SYTL3: variants seen among roughly 807,000 people sequenced by gnomAD.
SYTL3 encodes the protein synaptotagmin like 3.
A neutral mutation model predicts 82.1 loss-of-function variants in SYTL3; 88 were observed. That is an observed-to-expected ratio of 1.07 (90% CI 0.90 to 1.28). The LOEUF is 1.28. Among genes scored for constraint, SYTL3 ranks in the 50% most tolerant of loss-of-function variants. The pLI is 0.00. For synonymous variants in SYTL3, 311 were observed against 289.4 expected, an observed-to-expected ratio of 1.07 and a Z score of -0.76; for missense variants, 831 against 757.6, an observed-to-expected ratio of 1.10 and a Z score of -1.14.
At chr6:158,743,055 C>A (rs545559214) in intron 11 of SYTL3, among the ~76,000 whole-genome samples, 1 of 152,198 alleles carries the variant, frequency 6.6e-6, no homozygotes, top group Non-Finnish European at 1.5e-5. Flanking sequence ...TTTTGCCCCC[C>A]AGTCCCGTTA....
chr6:158,668,716 C>T (rs1364301996), intron 5 of SYTL3, among the ~76,000 whole-genome samples: 8 of 151,928 alleles, frequency 5.3e-5, no homozygotes, highest in Admixed American at 2.0e-4. Flanking sequence ...TGAGAGGCAC[C>T]GAGGGAGGAG....
chr6:158,750,401 T>C (rs903680986), intron 12 of SYTL3, among the ~76,000 whole-genome samples: 3 of 152,204 alleles, frequency 2.0e-5, no homozygotes, highest in Non-Finnish European at 4.4e-5. Flanking sequence ...TCCAACCGTA[T>C]AGGTATATTT....
At chr6:158,694,729 C>G (rs1429462094) in intron 6 of SYTL3, among the ~76,000 whole-genome samples, 2 of 152,182 alleles carry the variant, frequency 1.3e-5, no homozygotes, top group Non-Finnish European at 2.9e-5. Context: ...TCTCAAGTAT[C>G]TTAACTGGAT....
At chr6:158,755,869 GAC>G (rs1788992220) in intron 13 of SYTL3, among the ~76,000 whole-genome samples, 1 of 152,158 alleles carries the variant, frequency 6.6e-6, no homozygotes, top group South Asian at 2.1e-4. Flanking sequence ...CTCGGGCCTG[GAC>G]ACAGTCAGTG....
At chr6:158,722,147 TTTTGTTTG>T (rs144541246) in intron 10 of SYTL3, among the ~76,000 whole-genome samples, 27,727 of 151,290 alleles carry the variant, frequency 0.18, 3,059 homozygotes, top group Non-Finnish European at 0.25. Context: ...AACTTTCTTT[TTTTGTTTG>T]TTTGTTTGTT....
Position 158,715,639 on chromosome 6 carries a change from A to ACCC in SYTL3, c.595+1766_595+1768dup, listed in dbSNP as rs71030193. The stretch of plus-strand genomic sequence containing the variant: ...CACGCACGCACCCAGCACCCCCCAT[A>ACCC]CCCCCCCACCACCCCCACCCCCTGC... On this transcript the variant is annotated intron_variant, in intron 9 of 17. Coordinates refer to ENST00000611299, the MANE Select transcript of SYTL3 (RefSeq NM_001242394.2). Among the ~76,000 whole-genome samples, 103 of 93,020 alleles carry ACCC rather than the reference A, an allele frequency of 1.1e-3. 1 individual carries two copies. The highest frequency in any genetic ancestry group is 1.2e-3 in the Non-Finnish European group (57 of 47,470). 61.0% of individuals were successfully genotyped at this position (93,020 alleles called of 152,430 possible).
At chr6:158,720,820 C>T (rs774534865) in intron 10 of SYTL3, among the ~76,000 whole-genome samples, 11 of 152,192 alleles carry the variant, frequency 7.2e-5, no homozygotes, top group Non-Finnish European at 1.6e-4. Flanking sequence ...GTGAAGCCTG[C>T]TCCAGAGACC....
At chr6:158,717,906 C>T (rs1783610516) in intron 9 of SYTL3, among the ~76,000 whole-genome samples, 181 bp from the exon 10 acceptor site, 1 of 152,184 alleles carries the variant, frequency 6.6e-6, no homozygotes, top group Admixed American at 6.5e-5. Flanking sequence ...ACTGTCTGCT[C>T]ACCTTCCCAA....
intron 5 of SYTL3, among the ~76,000 whole-genome samples, chr6:158,669,428 A>T (rs1221310458): frequency 6.6e-6 from 1 of 152,228 alleles, no homozygotes; most frequent in Non-Finnish European, 1.5e-5. Context: ...CTGTTTCGTT[A>T]GGAACATTTT....
chr6:158,745,052 A>G (rs577592790), intron 11 of SYTL3, among the ~76,000 whole-genome samples: 1 of 152,196 alleles, frequency 6.6e-6, no homozygotes, highest in East Asian at 1.9e-4. Context: ...GAGTGGCAGC[A>G]CTAGCATTTG....
chr6:158,695,335 C>T (rs1258215070), intron 6 of SYTL3, among the ~76,000 whole-genome samples: 1 of 152,126 alleles, frequency 6.6e-6, no homozygotes, highest in Middle Eastern at 3.2e-3. Context: ...AGTAATTGAA[C>T]TGAAGGGATT....
At chr6:158,648,616 T>A (rs1414739420), upstream of SYTL3, among the ~76,000 whole-genome samples, 4 of 147,142 alleles carry the variant, frequency 2.7e-5, no homozygotes, top group African/African-American at 5.1e-5. Context: ...AAAATAATAA[T>A]AATAATAATA....
At chr6:158,754,834 C>T (rs923870494) in intron 13 of SYTL3, among the ~76,000 whole-genome samples, 8 of 152,166 alleles carry the variant, frequency 5.3e-5, no homozygotes, top group African/African-American at 1.9e-4. Context: ...TGAGCGTCGC[C>T]CACACACAGC....
At chr6:158,703,464 T>C (rs1433256901) in intron 6 of SYTL3, among the ~76,000 whole-genome samples, 1 of 152,222 alleles carries the variant, frequency 6.6e-6, no homozygotes, top group African/African-American at 2.4e-5. Flanking sequence ...GCGCGAATAC[T>C]GACATGTTAA....
intron 10 of SYTL3, among the ~76,000 whole-genome samples, chr6:158,723,462 C>G (rs1784367718): frequency 6.6e-6 from 1 of 152,168 alleles, no homozygotes; most frequent in African/African-American, 2.4e-5. Flanking sequence ...ACTGGCAAGG[C>G]AGAGTCACGT....
intron 6 of SYTL3, among the ~76,000 whole-genome samples, chr6:158,684,505 G>A (rs1779082368): frequency 6.6e-6 from 1 of 152,212 alleles, no homozygotes; most frequent in African/African-American, 2.4e-5. Flanking sequence ...ACGGTGGAGT[G>A]CAGGCAGGTG....
chr6:158,706,970 A>G (rs1258788255), intron 6 of SYTL3, among the ~76,000 whole-genome samples: 1 of 152,182 alleles, frequency 6.6e-6, no homozygotes, highest in East Asian at 1.9e-4. Flanking sequence ...TGTTTAAATG[A>G]CTTTAGGAGA....
intron 9 of SYTL3, among the ~76,000 whole-genome samples, chr6:158,717,422 C>T (rs751443113): frequency 7.4e-4 from 112 of 152,002 alleles, no homozygotes; most frequent in Non-Finnish European, 7.2e-4. Context: ...TTAAGGTCCC[C>T]GTTTGGAGGA....
At position 158,751,911 on chromosome 6, in the gene SYTL3, CTG is replaced by C. The variant is rs992704936; in HGVS notation, c.1035-13_1035-12del. 6.3e-7 allele frequency: 1 copy of C among 1,587,908 alleles called. No homozygotes were observed. Among genetic ancestry groups the C allele is most frequent in the African/African-American group, 1.4e-5 (1 of 73,724 alleles). On this transcript the variant is annotated splice_polypyrimidine_tract_variant and intron_variant, in intron 12 of 17. Transcript: ENST00000611299. Reference sequence around the variant, plus strand: ...TCCCTGAGTTCTCACTCTGTCCCCGCTGTGTTTGGCCCCTAGGTATGTGAAGA... The same window carrying C: ...TCCCTGAGTTCTCACTCTGTCCCCGCTGTTTGGCCCCTAGGTATGTGAAGA...
Sources: gnomAD v4.1 joint callset for allele counts (sites outside exome capture counted in the v4.1 genomes callset) on GRCh38, gnomAD v4.1.1 for gene constraint, MANE v1.5 for transcripts, NCBI Gene and HGNC (gene_info 2026-07-23, HGNC 2026-07-21) for gene names.